Variants in RORA observed in about 807,000 individuals in gnomAD.
RORA encodes the protein nuclear receptor ROR-alpha.
Under a neutral mutation model 69.5 loss-of-function variants are expected in RORA, and 7 were observed. That is an observed-to-expected ratio of 0.10 (90% CI 0.06 to 0.19). RORA has a LOEUF of 0.19. Among genes scored for constraint, RORA ranks in the 10% least tolerant of loss-of-function variants. The pLI, the probability that RORA is intolerant of heterozygous loss-of-function variation, is 1.00. For missense variants in RORA, 457 were observed against 663.0 expected (o/e 0.69, Z 3.41); for synonymous variants, 261 against 240.8 (o/e 1.08, Z -0.78).
intron 1 of RORA, among the ~76,000 whole-genome samples, chr15:60,736,193 C>A (rs1034372236): frequency 6.6e-6 from 1 of 152,076 alleles, no homozygotes; most frequent in African/African-American, 2.4e-5. Context: ...TCCTTTTTTT[C>A]CCCTGGTCCC....
intron 1 of RORA, among the ~76,000 whole-genome samples, chr15:60,762,120 C>A (rs1281731500): frequency 6.6e-6 from 1 of 152,130 alleles, no homozygotes; most frequent in Non-Finnish European, 1.5e-5. Context: ...GAAAAAGAAG[C>A]ATCTAGAATA....
intron 1 of RORA, among the ~76,000 whole-genome samples, chr15:61,137,907 T>C (rs1206633041): frequency 6.6e-6 from 1 of 152,080 alleles, no homozygotes; most frequent in African/African-American, 2.4e-5. Flanking sequence ...TGGGTAACAA[T>C]CTTGAAAGAG....
chr15:61,048,492 C>A (rs1045709044), intron 1 of RORA, among the ~76,000 whole-genome samples: 1 of 152,222 alleles, frequency 6.6e-6, no homozygotes, highest in African/African-American at 2.4e-5. Context: ...AGACTCCTGT[C>A]CCGGGGGAAC....
At position 60,689,425 on chromosome 15, in the gene RORA, T is replaced by C. The variant is rs182010997; in HGVS notation, c.167-10739A>G. ...ATTGACATACCTTGTTATATTTTGA[T>C]TGATTTCAACTAGCACAGTTCTTCT... On this transcript the variant is annotated intron_variant, in intron 1 of 10. Coordinates refer to ENST00000335670, the MANE Select transcript of RORA (RefSeq NM_134261.3). Among the ~76,000 whole-genome samples, 318 of 152,320 alleles carry C rather than the reference T, an allele frequency of 2.1e-3. 2 individuals are homozygous for C. The highest frequency in any genetic ancestry group is 7.3e-3 in the African/African-American group (305 of 41,574).
intron 1 of RORA, among the ~76,000 whole-genome samples, chr15:61,009,546 CTAATCTT>C (rs1433832931): frequency 6.6e-6 from 1 of 152,192 alleles, no homozygotes; most frequent in African/African-American, 2.4e-5. Context: ...AAGGTCAAGA[CTAATCTT>C]TAATTTTAAT....
chr15:60,952,643 A>T (rs962252446), intron 1 of RORA, among the ~76,000 whole-genome samples: 2 of 152,190 alleles, frequency 1.3e-5, no homozygotes, highest in Non-Finnish European at 2.9e-5. Flanking sequence ...CCTATACACC[A>T]ATAACAGACA....
intron 2 of RORA, chr15:60,677,269 T>G (rs1368911103): frequency 4.5e-6 from 2 of 444,994 alleles, no homozygotes; most frequent in Non-Finnish European, 9.2e-6. Flanking sequence ...TCCTGCACTG[T>G]CAATCTCTCA....
At chr15:60,903,326 G>A (rs1476231081) in intron 1 of RORA, among the ~76,000 whole-genome samples, 4 of 152,178 alleles carry the variant, frequency 2.6e-5, no homozygotes, top group Non-Finnish European at 5.9e-5. Flanking sequence ...AACACTGTCT[G>A]TCTTCCCAGA....
intron 1 of RORA, among the ~76,000 whole-genome samples, chr15:61,161,314 G>A (rs1263668593): frequency 6.6e-6 from 1 of 152,122 alleles, no homozygotes; most frequent in African/African-American, 2.4e-5. Context: ...CTTGATCCAG[G>A]GTTTGATTTT....
At chr15:60,989,434 T>G (rs1894304488) in intron 1 of RORA, among the ~76,000 whole-genome samples, 1 of 152,276 alleles carries the variant, frequency 6.6e-6, no homozygotes, top group African/African-American at 2.4e-5. Flanking sequence ...TTCCATTGTA[T>G]GTAAAAACCA....
intron 1 of RORA, among the ~76,000 whole-genome samples, chr15:61,060,312 C>G (rs530330123): frequency 6.6e-6 from 1 of 152,274 alleles, no homozygotes; most frequent in East Asian, 1.9e-4. Context: ...ATCTCTTTCC[C>G]GCGTTCCTCT....
At chr15:60,867,027 G>C (rs1042238426) in intron 1 of RORA, among the ~76,000 whole-genome samples, 1 of 151,974 alleles carries the variant, frequency 6.6e-6, no homozygotes, top group East Asian at 1.9e-4. Context: ...CACCATGCCC[G>C]GCTAATTTTT....
chr15:60,980,876 C>CTA (rs756397304), intron 1 of RORA, among the ~76,000 whole-genome samples: 8 of 151,814 alleles, frequency 5.3e-5, no homozygotes, highest in Non-Finnish European at 1.0e-4. Flanking sequence ...GATCACAACT[C>CTA]TAATCTTTAT....
At chr15:60,675,541 C>T (rs2070540158) in intron 2 of RORA, among the ~76,000 whole-genome samples, 1 of 152,140 alleles carries the variant, frequency 6.6e-6, no homozygotes, top group African/African-American at 2.4e-5. Context: ...CTTGTCTTCT[C>T]CCACTGGCCA....
chr15:61,180,205 A>G (rs1462791158), intron 1 of RORA, among the ~76,000 whole-genome samples: 1 of 151,868 alleles, frequency 6.6e-6, no homozygotes, highest in Non-Finnish European at 1.5e-5. Flanking sequence ...CACTGAAGAT[A>G]CCAGTTAAGT....
intron 1 of RORA, among the ~76,000 whole-genome samples, chr15:61,051,495 G>A (rs1897288423): frequency 6.6e-6 from 1 of 152,168 alleles, no homozygotes; most frequent in Non-Finnish European, 1.5e-5. Flanking sequence ...AGTCAATCCA[G>A]TGATCCCCTG....
chr15:61,153,240 C>A (rs1190325019), intron 1 of RORA, among the ~76,000 whole-genome samples: 1 of 152,148 alleles, frequency 6.6e-6, no homozygotes, highest in Non-Finnish European at 1.5e-5. Flanking sequence ...TCGCCCTTAA[C>A]CTGCAGGAAT....
chr15:60,943,757 A>C (rs1214484111), intron 1 of RORA, among the ~76,000 whole-genome samples: 1 of 151,646 alleles, frequency 6.6e-6, no homozygotes, highest in Non-Finnish European at 1.5e-5. Context: ...CACTACTAAA[A>C]TACAAAAAAT....
chr15:60,876,693 A>G (rs2073620306), intron 1 of RORA, among the ~76,000 whole-genome samples: 1 of 152,050 alleles, frequency 6.6e-6, no homozygotes, highest in South Asian at 2.1e-4. Context: ...AACTTCATCT[A>G]GTGTTTATGC....
Sources: gnomAD v4.1 joint callset for allele counts (sites outside exome capture counted in the v4.1 genomes callset) on GRCh38, gnomAD v4.1.1 for gene constraint, MANE v1.5 for transcripts, NCBI Gene and HGNC (gene_info 2026-07-23, HGNC 2026-07-21) for gene names.